The following PRKCA variants were observed in gnomAD, a reference collection of about 807,000 sequenced individuals.
PRKCA encodes the protein protein kinase C alpha, also known as protein kinase C alpha type.
In PRKCA, 27 loss-of-function variants were observed where a neutral mutation model predicts 87.0. That is an observed-to-expected ratio of 0.31 (90% CI 0.23 to 0.43). The LOEUF is 0.43. Among genes scored for constraint, PRKCA ranks in the 20% least tolerant of loss-of-function variants. The probability of loss-of-function intolerance (pLI) is 1.00; values close to 1 mark genes in which losing one functional copy is unlikely to be tolerated. For missense variants in PRKCA, 518 were observed against 852.3 expected (o/e 0.61, Z 4.88); for synonymous variants, 329 against 311.1 (o/e 1.06, Z -0.61).
chr17:66,662,071 G>A (rs1971922564), intron 5 of PRKCA, among the ~76,000 whole-genome samples: 1 of 152,224 alleles, frequency 6.6e-6, no homozygotes, highest in Admixed American at 6.5e-5. Context: ...AGAAGAGCCA[G>A]CCAGGCAACC....
At chr17:66,384,379 A>T (rs562248317) in intron 2 of PRKCA, among the ~76,000 whole-genome samples, 1 of 152,326 alleles carries the variant, frequency 6.6e-6, no homozygotes, top group Non-Finnish European at 1.5e-5. Context: ...GGGCTTTGGA[A>T]ACTCATTAAA....
intron 2 of PRKCA, among the ~76,000 whole-genome samples, chr17:66,412,439 G>C (rs577981535): frequency 6.6e-6 from 1 of 152,216 alleles, no homozygotes; most frequent in Admixed American, 6.5e-5. Context: ...TCAGACTTGG[G>C]CATTTGTCAG....
At chr17:66,626,528 A>AT (rs71160584) in intron 3 of PRKCA, among the ~76,000 whole-genome samples, 56,728 of 142,830 alleles carry the variant, frequency 0.4, 11,207 homozygotes, top group Middle Eastern at 0.46. Flanking sequence ...AGCCCGGCTA[A>AT]TTTTTTTTTT....
chr17:66,399,184 A>C (rs1910872583), intron 2 of PRKCA, among the ~76,000 whole-genome samples: 1 of 146,342 alleles, frequency 6.8e-6, no homozygotes, highest in African/African-American at 2.6e-5. Flanking sequence ...CTGTACCCTC[A>C]ACCTCCTGGG....
At chr17:66,692,496 TG>T (rs1972812252) in intron 8 of PRKCA, among the ~76,000 whole-genome samples, 1 of 152,142 alleles carries the variant, frequency 6.6e-6, no homozygotes, top group African/African-American at 2.4e-5. Flanking sequence ...ACTTCCCCAG[TG>T]CCAAGTTACT....
intron 2 of PRKCA, among the ~76,000 whole-genome samples, chr17:66,306,596 T>G (rs1331706369): frequency 6.6e-6 from 1 of 152,198 alleles, no homozygotes; most frequent in Non-Finnish European, 1.5e-5. Flanking sequence ...GAACAAAGTT[T>G]GCATGTTTTA....
intron 8 of PRKCA, among the ~76,000 whole-genome samples, chr17:66,693,912 G>T (rs75868656): frequency 6.6e-6 from 1 of 152,158 alleles, no homozygotes; most frequent in Non-Finnish European, 1.5e-5. Flanking sequence ...GGTTTAGCCC[G>T]TAGGCTCTAG....
chr17:66,735,747 T>G, intron 10 of PRKCA, 85 bp downstream of exon 10: 1 of 1,467,100 alleles, frequency 6.8e-7, no homozygotes, highest in Non-Finnish European at 9.3e-7. Context: ...TCCTTGTTCC[T>G]TTGGAGAAGG....
intron 3 of PRKCA, among the ~76,000 whole-genome samples, chr17:66,540,568 G>A (rs1967953035): frequency 6.6e-6 from 1 of 152,220 alleles, no homozygotes; most frequent in Admixed American, 6.5e-5. Flanking sequence ...GAGTGGAGTG[G>A]GGCCTCCCAG....
chr17:66,499,806 A>G lies in PRKCA; in HGVS notation c.288+3523A>G, dbSNP rs552046358. 2.6e-5 allele frequency among the ~76,000 whole-genome samples: 4 copies of G among 152,314 alleles called. No homozygotes were observed. The East Asian group carries it at 7.7e-4, about 29-fold the overall frequency. On this transcript the variant is annotated intron_variant, in intron 3 of 16. Coordinates refer to ENST00000413366, the MANE Select transcript of PRKCA (RefSeq NM_002737.3). ...AATGTGAAAGAGAAAGAGGTATATT[A>G]GATATTCAATGCAGTCCTGCCTGCC...
chr17:66,669,843 A>G (rs1430820742), intron 5 of PRKCA, among the ~76,000 whole-genome samples: 5 of 152,244 alleles, frequency 3.3e-5, no homozygotes, highest in Non-Finnish European at 1.5e-5. Flanking sequence ...CGGAGGTTGC[A>G]GTGAGCTGAG....
At chr17:66,428,494 A>T (rs1307765915) in intron 2 of PRKCA, among the ~76,000 whole-genome samples, 2 of 152,020 alleles carry the variant, frequency 1.3e-5, no homozygotes, top group South Asian at 2.1e-4. Flanking sequence ...TTAAGCTGAA[A>T]AATTTTTCTT....
chr17:66,664,749 C>T (rs8080005), intron 5 of PRKCA, among the ~76,000 whole-genome samples: 8,400 of 146,922 alleles, frequency 0.057, 791 homozygotes, highest in African/African-American at 0.2. Flanking sequence ...GATGAGCTGC[C>T]GGGCTCAAGT....
chr17:66,476,002 A>T (rs1245679778), intron 2 of PRKCA, among the ~76,000 whole-genome samples: 1 of 152,068 alleles, frequency 6.6e-6, no homozygotes, highest in East Asian at 1.9e-4. Flanking sequence ...GGTTCAAGTG[A>T]TTCTCATGCT....
At position 66,807,705 on chromosome 17, in the gene PRKCA, C is replaced by T. The variant is rs1402090469; in HGVS notation, c.*3668C>T. On this transcript the variant is annotated 3_prime_UTR_variant, in exon 17 of 17. Coordinates refer to ENST00000413366, the MANE Select transcript of PRKCA (RefSeq NM_002737.3). This position sits in a 1 kb window ranked among gnomAD's most constrained non-coding sequence, Gnocchi z 4.3. ...CGGAAAGACCAAGGTTCATGCAGCC[C>T]AACAAATGATTGTTGAGCACCTCTC... 3.3e-5 allele frequency: 5 copies of T among 152,160 alleles called. No individual in the cohort carries two copies. The highest frequency in any genetic ancestry group is 4.8e-5 in the African/African-American group (2 of 41,424). 9.4% of individuals were successfully genotyped at this position (152,160 alleles called of 1,614,324 possible). A position where few individuals can be genotyped will look rare whatever the true frequency, so the allele number is the denominator to read the frequency against.
intron 3 of PRKCA, among the ~76,000 whole-genome samples, chr17:66,572,350 C>T (rs186877179): frequency 6.6e-6 from 1 of 152,006 alleles, no homozygotes; most frequent in Admixed American, 6.5e-5. Flanking sequence ...ACCTGTAATC[C>T]CAGCTACTCA....
At chr17:66,643,692 T>C (rs891279597) in intron 4 of PRKCA, among the ~76,000 whole-genome samples, 1 of 152,192 alleles carries the variant, frequency 6.6e-6, no homozygotes, top group African/African-American at 2.4e-5. Context: ...CCTGTGCTCC[T>C]TTCTGGAGAC....
At chr17:66,415,873 C>T (rs1204344008) in intron 2 of PRKCA, 1 of 152,178 alleles carries the variant, frequency 6.6e-6, no homozygotes, top group African/African-American at 2.4e-5. Flanking sequence ...GGCACATAAG[C>T]ACTCATCAGC....
intron 2 of PRKCA, among the ~76,000 whole-genome samples, chr17:66,478,876 G>A (rs1272473876): frequency 3.3e-5 from 5 of 152,066 alleles, no homozygotes; most frequent in East Asian, 3.9e-4. Context: ...TTGAAGCACT[G>A]TGTATAAGTG....
Sources: gnomAD v4.1 joint callset for allele counts (sites outside exome capture counted in the v4.1 genomes callset) on GRCh38, gnomAD v4.1.1 for gene constraint, Gnocchi (gnomAD v3.1) non-coding constraint, MANE v1.5 for transcripts, NCBI Gene and HGNC (gene_info 2026-07-23, HGNC 2026-07-21) for gene names.